ABI2: variants seen among roughly 807,000 people sequenced by gnomAD.
ABI2 encodes the protein abelson interactor 2.
A neutral mutation model predicts 59.2 loss-of-function variants in ABI2; 25 were observed. The ratio of observed to expected loss-of-function variants is 0.42; its 90% confidence interval spans 0.31 to 0.59. The LOEUF is 0.59. Ranked by LOEUF, ABI2 falls within the 20% of genes least tolerant of loss-of-function variation. ABI2 has a pLI of 0.14. For synonymous variants in ABI2, 213 were observed against 235.5 expected (o/e 0.90, Z 0.87); for missense variants, 545 against 681.8 (o/e 0.80, Z 2.23).
intron 1 of ABI2, among the ~76,000 whole-genome samples, chr2:203,363,033 A>AT (rs2093748582): frequency 6.6e-6 from 1 of 151,564 alleles, no homozygotes. Flanking sequence ...GTTTTACCAT[A>AT]TTGGCCAGGC....
chr2:203,394,777 G>T lies in ABI2; in HGVS notation c.656G>T (p.Arg219Leu). 6.2e-7 allele frequency: 1 copy of T among 1,614,078 alleles called. No homozygotes were observed. Among genetic ancestry groups the T allele is most frequent in the Non-Finnish European group, 8.5e-7 (1 of 1,180,004 alleles). Residue 219 changes from arginine to leucine, a missense_variant, in exon 6 of 12, where the codon CGT becomes CTT. By Grantham distance (102) the Arg-to-Leu change is moderately radical (BLOSUM62 -2). Coordinates refer to ENST00000261018, the MANE Select transcript of ABI2 (RefSeq NM_001375670.1). Reference sequence around the variant, plus strand: ...AATGATTACGTACCTAGCCCAACCCGTAATATGGCTCCCTCGCAGCAGAGC... The same window carrying T: ...AATGATTACGTACCTAGCCCAACCCTTAATATGGCTCCCTCGCAGCAGAGC... The part of the protein sequence containing the change: ...VPNDYVPSPT[R>L]NMAPSQQSPV...
chr2:203,367,098 C>T (rs887115193), intron 2 of ABI2, 54 bp downstream of exon 2: 3 of 1,535,556 alleles, frequency 2.0e-6, no homozygotes, highest in African/African-American at 2.7e-5. Context: ...ATAATAAACA[C>T]AGGCTATCTG....
At chr2:203,350,817 C>T (rs954202807) in intron 1 of ABI2, among the ~76,000 whole-genome samples, 1 of 151,716 alleles carries the variant, frequency 6.6e-6, no homozygotes, top group Non-Finnish European at 1.5e-5. Flanking sequence ...GGATTATAGG[C>T]ATGAGCCACT....
chr2:203,357,613 C>CTAGACATATGTA (rs2092473606), intron 1 of ABI2, among the ~76,000 whole-genome samples: 1 of 152,140 alleles, frequency 6.6e-6, no homozygotes, highest in African/African-American at 2.4e-5. Flanking sequence ...CATATGTTGT[C>CTAGACATATGTA]TAGGCAGATG....
chr2:203,360,587 C>G (rs1410544342), intron 1 of ABI2, among the ~76,000 whole-genome samples: 2 of 152,128 alleles, frequency 1.3e-5, no homozygotes, highest in Non-Finnish European at 2.9e-5. Flanking sequence ...GCTAAAGAAG[C>G]AGTTTAGCAA....
chr2:203,400,118 C>T (rs2097163713), intron 8 of ABI2, among the ~76,000 whole-genome samples: 1 of 108,104 alleles, frequency 9.3e-6, no homozygotes, highest in Admixed American at 1.3e-4. Flanking sequence ...GAGACAGAGT[C>T]TCACTCTGTC....
At chr2:203,408,853 A>C (rs1452471075) in intron 9 of ABI2, among the ~76,000 whole-genome samples, 1 of 12,944 alleles carries the variant, frequency 7.7e-5, no homozygotes, top group African/African-American at 1.4e-4. Context: ...TTTTTTTGAG[A>C]CGGAGTCTCG....
At chr2:203,352,597 G>T in intron 1 of ABI2, among the ~76,000 whole-genome samples, 1 of 151,908 alleles carries the variant, frequency 6.6e-6, no homozygotes, top group Non-Finnish European at 1.5e-5. Context: ...AAGAGAAAAT[G>T]ATATAAAGAA....
At chr2:203,415,596 G>A (rs562252721) in intron 10 of ABI2, among the ~76,000 whole-genome samples, 54 of 119,826 alleles carry the variant, frequency 4.5e-4, no homozygotes, top group South Asian at 8.3e-4. Flanking sequence ...CAGCCTGGGC[G>A]ATAGAGCGAG....
At chr2:203,347,748 G>T (rs2084622702) in intron 1 of ABI2, among the ~76,000 whole-genome samples, 1 of 152,216 alleles carries the variant, frequency 6.6e-6, no homozygotes, top group Non-Finnish European at 1.5e-5. Flanking sequence ...TTCTAACTGG[G>T]AAATTGTAGG....
intron 11 of ABI2, 125 bp from the exon 12 acceptor site, chr2:203,427,052 G>A: frequency 1.3e-6 from 1 of 762,996 alleles, no homozygotes; most frequent in Non-Finnish European, 2.1e-6. Context: ...TTTGGTTGGT[G>A]TTTAGAAAGT....
chr2:203,335,603 T>C (rs557308269), intron 1 of ABI2, among the ~76,000 whole-genome samples: 1 of 152,344 alleles, frequency 6.6e-6, no homozygotes, highest in South Asian at 2.1e-4. Flanking sequence ...CATGTAAATT[T>C]ACCTTGCAAG....
At chr2:203,418,028 A>G (rs1204021776) in intron 11 of ABI2, among the ~76,000 whole-genome samples, 1 of 152,244 alleles carries the variant, frequency 6.6e-6, no homozygotes, top group Non-Finnish European at 1.5e-5. Flanking sequence ...TGCAGAAGAA[A>G]GCATTAGCAA....
chr2:203,344,941 G>T (rs2082289576), intron 1 of ABI2, among the ~76,000 whole-genome samples: 1 of 151,866 alleles, frequency 6.6e-6, no homozygotes, highest in Admixed American at 6.6e-5. Context: ...GGACCAACCA[G>T]TGCTCTGTAA....
intron 11 of ABI2, among the ~76,000 whole-genome samples, chr2:203,424,941 G>A (rs1312603206): frequency 2.6e-5 from 4 of 151,652 alleles, no homozygotes; most frequent in Non-Finnish European, 5.9e-5. Flanking sequence ...GGAAAATCAC[G>A]GCTTATTTCA....
chr2:203,329,658 A>G (rs2071516976), intron 1 of ABI2, among the ~76,000 whole-genome samples: 2 of 151,526 alleles, frequency 1.3e-5, no homozygotes, highest in South Asian at 4.2e-4. Flanking sequence ...AAATGGAAGC[A>G]ATATGTTAAA....
At chr2:203,384,160 T>C (rs1274956051) in intron 4 of ABI2, among the ~76,000 whole-genome samples, 2 of 152,216 alleles carry the variant, frequency 1.3e-5, no homozygotes, top group Non-Finnish European at 2.9e-5. Context: ...GTAATAGTTT[T>C]ATAGCAAAGG....
Position 203,402,627 on chromosome 2 carries a change from C to G in ABI2, c.1085C>G (p.Pro362Arg). The G allele has an allele frequency of 6.2e-7, 1 of 1,605,836 alleles. No homozygotes were observed. Among genetic ancestry groups the G allele is most frequent in the Non-Finnish European group, 8.5e-7 (1 of 1,177,194 alleles). ...AATAGGCCTGCCTCTCGCCATACTC[C>G]CCCAACAATAGGGGGCTCGTTGCCC... The part of the protein sequence containing the change: ...SMNRPASRHT[P>R]PTIGGSLPYR... The change falls in exon 9 of 12, where the codon CCC becomes CGC. Residue 362 changes from proline (P) to arginine (R), a missense_variant. Transcript: ENST00000261018.
intron 4 of ABI2, among the ~76,000 whole-genome samples, chr2:203,389,957 C>G (rs920269374): frequency 1.3e-5 from 2 of 152,212 alleles, no homozygotes; most frequent in Admixed American, 1.3e-4. Context: ...CCAGCTCTGA[C>G]TTAGGACTAT....
Sources: gnomAD v4.1 joint callset for allele counts (sites outside exome capture counted in the v4.1 genomes callset) on GRCh38, gnomAD v4.1.1 for gene constraint, MANE v1.5 for transcripts, NCBI Gene and HGNC (gene_info 2026-07-23, HGNC 2026-07-21) for gene names.